The following CLIP2 variants were observed in gnomAD, a reference collection of about 807,000 sequenced individuals.
CLIP2 encodes CAP-Gly domain-containing linker protein 2.
A neutral mutation model predicts 111.7 loss-of-function variants in CLIP2; 41 were observed. The ratio of observed to expected loss-of-function variants is 0.37; its 90% CI spans 0.29 to 0.48. The LOEUF (loss-of-function observed/expected upper bound fraction) is 0.48. Ranked by LOEUF, CLIP2 falls within the 20% of genes least tolerant of loss-of-function variation. The probability of loss-of-function intolerance (pLI) is 0.99; values close to 1 mark genes in which losing one functional copy is unlikely to be tolerated. For missense variants in CLIP2, 1,160 were observed against 1,422.1 expected, an observed-to-expected ratio of 0.82 and a Z score of 2.96; for synonymous variants, 660 against 644.2, an observed-to-expected ratio of 1.02 and a Z score of -0.37.
chr7:74,371,276 G>C (rs1453997216), intron 8 of CLIP2, among the ~76,000 whole-genome samples: 4 of 151,488 alleles, frequency 2.6e-5, no homozygotes, highest in African/African-American at 9.7e-5. Flanking sequence ...AGGTTGAGGG[G>C]AGGAGTCCTT....
chr7:74,329,090 T>G (rs568339400), intron 2 of CLIP2, among the ~76,000 whole-genome samples: 2,110 of 144,630 alleles, frequency 0.015, 26 homozygotes, highest in Non-Finnish European at 0.022. Flanking sequence ...TTTTTTGGTT[T>G]TTTTTTTTTT....
intron 2 of CLIP2, among the ~76,000 whole-genome samples, chr7:74,331,832 C>CA (rs1390984650): frequency 6.6e-6 from 1 of 152,108 alleles, no homozygotes; most frequent in Non-Finnish European, 1.5e-5. Flanking sequence ...GCCTCAGTCT[C>CA]AAAGTGCTGG....
intron 2 of CLIP2, among the ~76,000 whole-genome samples, chr7:74,321,121 T>C (rs1177077626): frequency 6.6e-6 from 1 of 152,124 alleles, no homozygotes; most frequent in Non-Finnish European, 1.5e-5. Flanking sequence ...AATGGGATAA[T>C]AGCATCTCCC....
intron 2 of CLIP2, among the ~76,000 whole-genome samples, chr7:74,326,563 A>G (rs1322061864): frequency 6.6e-6 from 1 of 151,832 alleles, no homozygotes; most frequent in Non-Finnish European, 1.5e-5. Flanking sequence ...GAGTTGGGCT[A>G]TGTGAGGCAA....
chr7:74,296,420 G>A (rs1200291632), intron 1 of CLIP2, among the ~76,000 whole-genome samples: 1 of 151,986 alleles, frequency 6.6e-6, no homozygotes, highest in African/African-American at 2.4e-5. Flanking sequence ...TGAGGCAGGA[G>A]AATCACTTGA....
chr7:74,329,177 C>T (rs536251589), intron 2 of CLIP2, among the ~76,000 whole-genome samples: 21 of 149,260 alleles, frequency 1.4e-4, no homozygotes, highest in Non-Finnish European at 2.8e-4. Flanking sequence ...CCGCCCTCCT[C>T]GGCCTTCCAA....
At chr7:74,382,780 T>TA (rs1219597161) in intron 11 of CLIP2, among the ~76,000 whole-genome samples, 1 of 151,920 alleles carries the variant, frequency 6.6e-6, no homozygotes, top group Non-Finnish European at 1.5e-5. Context: ...TGCAGATATT[T>TA]AAAAAATCAG....
chr7:74,351,677 A>T (rs758694306), intron 3 of CLIP2, among the ~76,000 whole-genome samples: 13 of 151,936 alleles, frequency 8.6e-5, no homozygotes, highest in Non-Finnish European at 1.9e-4. Flanking sequence ...CTCTACTAAA[A>T]ATACAAAAAT....
At chr7:74,378,786 A>T (rs976316237) in intron 10 of CLIP2, among the ~76,000 whole-genome samples, 1 of 152,196 alleles carries the variant, frequency 6.6e-6, no homozygotes, top group African/African-American at 2.4e-5. Flanking sequence ...GCATGTGGGC[A>T]GTAAGTTCTC....
At position 74,389,279 on chromosome 7, in the gene CLIP2, G is replaced by C; in HGVS notation, c.2720+20G>C. On this transcript the variant is annotated intron_variant, in intron 13 of 16. Transcript: ENST00000223398. The stretch of plus-strand genomic sequence containing the variant: ...GGAGCGGTGAGGCGGCCGTGGGGCC[G>C]GCTGGGTCCTCCCTGTGGCCCTGGC... 6.4e-7 allele frequency: 1 copy of C among 1,554,434 alleles called. No individual in the cohort carries two copies. Among genetic ancestry groups the C allele is most frequent in the Middle Eastern group, 1.8e-4 (1 of 5,670 alleles).
chr7:74,353,396 G>A (rs1485896079), intron 3 of CLIP2, among the ~76,000 whole-genome samples: 2 of 151,772 alleles, frequency 1.3e-5, no homozygotes, highest in Non-Finnish European at 2.9e-5. Flanking sequence ...GATTATAGGT[G>A]CCCACCACCA....
At chr7:74,401,892 T>G (rs1036024842) in intron 16 of CLIP2, among the ~76,000 whole-genome samples, 2 of 151,870 alleles carry the variant, frequency 1.3e-5, no homozygotes, top group Non-Finnish European at 2.9e-5. Flanking sequence ...ATGGTAAAAC[T>G]CCGTCTCTAC....
intron 10 of CLIP2, among the ~76,000 whole-genome samples, chr7:74,378,043 C>T (rs1312896163): frequency 6.6e-5 from 10 of 152,136 alleles, no homozygotes; most frequent in African/African-American, 9.7e-5. Context: ...CCAGGCTGGT[C>T]TCAAACTCCT....
chr7:74,385,430 A>T (rs1455682403), intron 11 of CLIP2, among the ~76,000 whole-genome samples: 2 of 149,440 alleles, frequency 1.3e-5, no homozygotes, highest in African/African-American at 4.9e-5. Flanking sequence ...TGCACACTCC[A>T]CTCCAGCCTG....
intron 12 of CLIP2, 179 bp from the exon 13 acceptor site, chr7:74,388,924 C>T: frequency 1.6e-6 from 1 of 619,428 alleles, no homozygotes; most frequent in Non-Finnish European, 2.7e-6. Context: ...CCACTGTACT[C>T]CAGTCTGGGT....
At position 74,376,299 on chromosome 7, in the gene CLIP2, C is replaced by T. The variant is rs782685726; in HGVS notation, c.1898C>T (p.Ala633Val). The T allele has an allele frequency of 6.2e-7, 1 of 1,613,758 alleles. No individual in the cohort carries two copies. Among genetic ancestry groups the T allele is most frequent in the East Asian group, 2.2e-5 (1 of 44,864 alleles). ...CAGAAGTCCCTGGAGGACCTCAAAG[C>T]CACCCTGAACTCGGGCCCAGGCGCC... ...DHQKSLEDLK[A>V]TLNSGPGAQQ... is the part of the protein sequence containing the mutation. The change falls in exon 10 of 17, where the codon GCC becomes GTC. Residue 633 changes from alanine (A) to valine (V), a missense_variant. Transcript: ENST00000223398. The surrounding 1 kb of genome is among the most constrained non-coding windows in gnomAD (Gnocchi z 7.1).
Position 74,338,771 on chromosome 7 carries a change from C to T in CLIP2, c.445C>T (p.Pro149Ser). Reference protein sequence around the residue: ...FTRPSKLTRQPTAEGSGSDAH... With the variant: ...FTRPSKLTRQSTAEGSGSDAH... The stretch of plus-strand genomic sequence containing the variant: ...GCGGCCCTCCAAGCTGACCCGGCAG[C>T]CCACGGCCGAGGGCTCGGGGAGTGA... Residue 149 changes from proline to serine, a missense_variant, in exon 3 of 17, where the codon CCC (proline) becomes TCC (serine). This residue lies in a region of CLIP2 where 301 missense variants were observed against 315.2 expected (regional missense o/e 0.96). Coordinates refer to ENST00000223398, the MANE Select transcript of CLIP2 (RefSeq NM_003388.5). This position sits in a 1 kb window ranked among gnomAD's most constrained non-coding sequence, Gnocchi z 4.3. 4 of 1,608,526 alleles carry T rather than the reference C, an allele frequency of 2.5e-6. No individual in the cohort carries two copies. The highest frequency in any genetic ancestry group is 2.5e-6 in the Non-Finnish European group (3 of 1,178,888).
At chr7:74,391,497 C>G (rs1554315846) in intron 13 of CLIP2, among the ~76,000 whole-genome samples, 1 of 150,256 alleles carries the variant, frequency 6.7e-6, no homozygotes, top group Non-Finnish European at 1.5e-5. Context: ...TCCCTCTGAG[C>G]CTTTAAGAAA....
chr7:74,399,058 G>T (rs1554317136), intron 14 of CLIP2, among the ~76,000 whole-genome samples: 1 of 152,196 alleles, frequency 6.6e-6, no homozygotes, highest in Non-Finnish European at 1.5e-5. Flanking sequence ...CTTGATTTCA[G>T]GATGGAGGTT....
Sources: allele counts gnomAD v4.1 joint callset (sites outside exome capture counted in the v4.1 genomes callset), GRCh38; gene constraint gnomAD v4.1.1; regional missense constraint gnomAD v4.1.1; non-coding constraint Gnocchi (gnomAD v3.1); transcripts MANE v1.5; gene names NCBI Gene and HGNC (gene_info 2026-07-23, HGNC 2026-07-21).